ETV4: variants seen among roughly 807,000 people sequenced by gnomAD.
ETV4 encodes the protein ETS variant transcription factor 4.
A neutral mutation model predicts 65.9 loss-of-function variants in ETV4; 42 were observed. The observed-to-expected ratio is 0.64, with a 90% confidence interval of 0.50 to 0.82. The LOEUF (loss-of-function observed/expected upper bound fraction) is 0.82. Among genes scored for constraint, ETV4 ranks in the 40% least tolerant of loss-of-function variants. The probability of loss-of-function intolerance (pLI) is 0.00; values close to 1 mark genes in which losing one functional copy is unlikely to be tolerated. For missense variants in ETV4, 583 were observed against 630.3 expected, an observed-to-expected ratio of 0.92 and a Z score of 0.80; for synonymous variants, 238 against 260.0, an observed-to-expected ratio of 0.92 and a Z score of 0.81.
At position 43,529,578 on chromosome 17, in the gene ETV4, C is replaced by A. The variant is rs946119546; in HGVS notation, c.1054G>T (p.Asp352Tyr). ...ATGAAATGGGCATTTGTTGGGTCAT[C>A]CAGCAAGGCCACCAGAAATTGCCAC... Reference protein sequence around the residue: ...QLWQFLVALLDDPTNAHFIAW... With the variant: ...QLWQFLVALLYDPTNAHFIAW... The change falls in exon 11 of 13, where the codon GAT (aspartate) becomes TAT (tyrosine). Residue 352 changes from aspartate to tyrosine, a missense_variant. Physicochemically the swap from Asp to Tyr is radical, Grantham distance 160 (BLOSUM62 -3). Coordinates refer to ENST00000319349, the MANE Select transcript of ETV4 (RefSeq NM_001079675.5). 4 of 1,614,000 alleles carry A rather than the reference C, an allele frequency of 2.5e-6. No individual in the cohort carries two copies. The highest frequency in any genetic ancestry group is 3.4e-6 in the Non-Finnish European group (4 of 1,180,042).
At chr17:43,537,567 G>A (rs1323935907) in intron 4 of ETV4, among the ~76,000 whole-genome samples, 8 of 151,526 alleles carry the variant, frequency 5.3e-5, no homozygotes, top group African/African-American at 1.7e-4. Flanking sequence ...GTGGCGGTGG[G>A]CACCTGTAAT....
At chr17:43,531,610 A>C (rs1970940034) in intron 8 of ETV4, among the ~76,000 whole-genome samples, 1 of 152,206 alleles carries the variant, frequency 6.6e-6, no homozygotes, top group Non-Finnish European at 1.5e-5. Context: ...AGGCTGAAGC[A>C]TGAGAATCGC....
At chr17:43,529,989 G>A (rs372949423) in intron 9 of ETV4, 37 bp from the exon 10 acceptor site, 3 of 1,612,106 alleles carry the variant, frequency 1.9e-6, no homozygotes, top group South Asian at 1.1e-5. Context: ...AGATCTGGGG[G>A]TTCACCGATG....
chr17:43,545,062 G>C (rs1971731693), intron 3 of ETV4, 40 bp from the exon 4 acceptor site: 1 of 1,597,706 alleles, frequency 6.3e-7, no homozygotes, highest in African/African-American at 1.3e-5. Context: ...AGGTGGAGGG[G>C]ACGGTAAGAG....
chr17:43,545,125 G>A, intron 3 of ETV4, 103 bp from the exon 4 acceptor site: 3 of 1,381,506 alleles, frequency 2.2e-6, no homozygotes, highest in East Asian at 2.3e-5. Flanking sequence ...AGTAGGGACC[G>A]AGAAGAATGA....
At chr17:43,530,503 G>A in intron 8 of ETV4, 2 of 1,156,088 alleles carry the variant, frequency 1.7e-6, no homozygotes, top group South Asian at 1.8e-5. Context: ...GAGGGAGGGT[G>A]AGATGAACGT....
intron 2 of ETV4, 37 bp downstream of exon 2, chr17:43,545,521 G>A: frequency 6.5e-7 from 1 of 1,531,954 alleles, no homozygotes. Context: ...GGCTGGGTGC[G>A]GGGCGGGGCG....
chr17:43,530,568 G>A (rs1970863364), intron 8 of ETV4: 1 of 516,342 alleles, frequency 1.9e-6, no homozygotes, highest in Admixed American at 4.4e-5. Flanking sequence ...GGACAAAAAT[G>A]TCCGGTCAGC....
At chr17:43,544,037 A>G (rs1254908645) in intron 4 of ETV4, 1 of 152,196 alleles carries the variant, frequency 6.6e-6, no homozygotes, top group Non-Finnish European at 1.5e-5. Context: ...AAAGACCTCA[A>G]AAAAGGAGTT....
intron 7 of ETV4, 79 bp downstream of exon 7, chr17:43,533,108 G>A: frequency 1.3e-6 from 2 of 1,559,100 alleles, no homozygotes; most frequent in Non-Finnish European, 8.7e-7. Context: ...CCACCCCACA[G>A]CTCAAGTCTT....
At chr17:43,533,792 G>T in intron 6 of ETV4, 67 bp downstream of exon 6, 2 of 1,573,694 alleles carry the variant, frequency 1.3e-6, no homozygotes, top group African/African-American at 1.4e-5. Flanking sequence ...TCTGCTCATG[G>T]GTGCCCCCTG....
chr17:43,534,481 G>A (rs936464777), intron 5 of ETV4, among the ~76,000 whole-genome samples: 1 of 151,454 alleles, frequency 6.6e-6, no homozygotes, highest in Non-Finnish European at 1.5e-5. Flanking sequence ...GTGACAGAGC[G>A]AGACTCCGTC....
In ETV4 at chr17:43,545,294, A is replaced by C; in HGVS notation, c.134T>G (p.Leu45Arg). ...PLGKLMDPGS[L>R]PPLDSEDLFQ... ...TTTACCTTCAGAGTCGAGGGGCGGC[A>C]GGGAGCCCGGGTCCATGAGCTTCCC... The change falls in exon 3 of 13, where the codon CTG becomes CGG. Residue 45 changes from leucine to arginine, a missense_variant. By Grantham distance (102) the Leu-to-Arg change is moderately radical (BLOSUM62 -2). Transcript: ENST00000319349. 6.2e-7 allele frequency: 1 copy of C among 1,608,466 alleles called. No individual in the cohort carries two copies. Among genetic ancestry groups the C allele is most frequent in the Non-Finnish European group, 8.5e-7 (1 of 1,177,518 alleles).
At chr17:43,532,090 C>T (rs1970966753) in intron 8 of ETV4, among the ~76,000 whole-genome samples, 1 of 152,224 alleles carries the variant, frequency 6.6e-6, no homozygotes, top group South Asian at 2.1e-4. Context: ...GAACTAATTC[C>T]TGGGCTCAAA....
At chr17:43,539,381 C>T (rs1000986415) in intron 4 of ETV4, among the ~76,000 whole-genome samples, 1 of 152,180 alleles carries the variant, frequency 6.6e-6, no homozygotes, top group Non-Finnish European at 1.5e-5. Flanking sequence ...TCTCTGACCA[C>T]CCCTAAACCA....
intron 8 of ETV4, chr17:43,530,530 G>A (rs906917480): frequency 2.2e-6 from 2 of 924,754 alleles, no homozygotes; most frequent in Non-Finnish European, 2.9e-6. Context: ...AAAGAGTTCG[G>A]TGTCCACGCC....
At chr17:43,531,312 T>G (rs912097358) in intron 8 of ETV4, among the ~76,000 whole-genome samples, 3 of 152,222 alleles carry the variant, frequency 2.0e-5, no homozygotes, top group Non-Finnish European at 4.4e-5. Context: ...TTCCTGGGAC[T>G]GGCCCTCCTT....
At chr17:43,530,314 T>C in intron 8 of ETV4, 133 bp from the exon 9 acceptor site, 1 of 1,485,692 alleles carries the variant, frequency 6.7e-7, no homozygotes, top group Non-Finnish European at 9.0e-7. Context: ...TTTGCCCAGG[T>C]TGCCTGCCAA....
chr17:43,529,676 C>T lies in ETV4; in HGVS notation c.956G>A (p.Gly319Glu). The T allele has an allele frequency of 6.2e-7, 1 of 1,605,774 alleles. No homozygotes were observed. The highest frequency in any genetic ancestry group is 2.2e-5 in the East Asian group (1 of 44,708). ...DVCVVPEKFE[G>E]DIKQEGVGAF... Reference sequence around the variant, plus strand: ...ACCGACCCCTTCCTGCTTGATGTCTCCTGGGGAACACGAAAATAGGAGGTG... The same window carrying T: ...ACCGACCCCTTCCTGCTTGATGTCTTCTGGGGAACACGAAAATAGGAGGTG... Residue 319 changes from glycine (G) to glutamate (E), a missense_variant and splice_region_variant, in exon 11 of 13, where the codon GGA (glycine) becomes GAA (glutamate). Physicochemically the swap from Gly to Glu is moderately conservative, Grantham distance 98. Coordinates refer to ENST00000319349, the MANE Select transcript of ETV4 (RefSeq NM_001079675.5).
Sources: gnomAD v4.1 joint callset for allele counts (sites outside exome capture counted in the v4.1 genomes callset) on GRCh38, gnomAD v4.1.1 for gene constraint, MANE v1.5 for transcripts, NCBI Gene and HGNC (gene_info 2026-07-23, HGNC 2026-07-21) for gene names.